Variants in ANKRD12 observed in about 807,000 individuals in gnomAD.
ANKRD12 encodes ankyrin repeat domain 12, also known as ankyrin repeat domain-containing protein 12.
A neutral mutation model predicts 183.4 loss-of-function variants in ANKRD12; 85 were observed. The ratio of observed to expected loss-of-function variants is 0.46; its 90% CI spans 0.39 to 0.56. The LOEUF is 0.56. Among genes scored for constraint, ANKRD12 ranks in the 20% least tolerant of loss-of-function variants. ANKRD12 has a pLI of 0.00. For missense variants in ANKRD12, 2,405 were observed against 2,357.1 expected, an observed-to-expected ratio of 1.02 and a Z score of -0.42; for synonymous variants, 914 against 800.2, an observed-to-expected ratio of 1.14 and a Z score of -2.40.
At chr18:9,158,707 A>G (rs187443772) in intron 1 of ANKRD12, among the ~76,000 whole-genome samples, 21 of 152,110 alleles carry the variant, frequency 1.4e-4, no homozygotes, top group Admixed American at 6.6e-5. Flanking sequence ...TCCTCTTTCC[A>G]TGCTGTATTC....
At chr18:9,278,817 A>G (rs928378944) in intron 11 of ANKRD12, among the ~76,000 whole-genome samples, 5 of 151,932 alleles carry the variant, frequency 3.3e-5, no homozygotes, top group Admixed American at 1.3e-4. Flanking sequence ...TGTGGGAGCT[A>G]CCTGCTGCCT....
chr18:9,142,062 A>C (rs899800335), intron 1 of ANKRD12, among the ~76,000 whole-genome samples: 1 of 152,154 alleles, frequency 6.6e-6, no homozygotes, highest in Admixed American at 6.5e-5. Context: ...TTACCTTGCT[A>C]TATAGTCTCT....
intron 8 of ANKRD12, among the ~76,000 whole-genome samples, chr18:9,246,125 C>T (rs1316749529): frequency 1.3e-5 from 2 of 152,062 alleles, no homozygotes; most frequent in East Asian, 3.8e-4. Context: ...TTTACTAATG[C>T]TTATTTTCAG....
intron 1 of ANKRD12, among the ~76,000 whole-genome samples, chr18:9,149,787 TA>T (rs2078617313): frequency 2.8e-5 from 4 of 144,364 alleles, no homozygotes; most frequent in Admixed American, 2.7e-4. Context: ...TTTATTTATT[TA>T]TTAAATTTTA....
chr18:9,173,382 T>TAA (rs2032935629), intron 1 of ANKRD12, among the ~76,000 whole-genome samples: 1 of 152,098 alleles, frequency 6.6e-6, no homozygotes, highest in Non-Finnish European at 1.5e-5. Context: ...TGCTGACCTT[T>TAA]AAATGGGGTT....
intron 6 of ANKRD12, among the ~76,000 whole-genome samples, chr18:9,213,836 C>G (rs1320517989): frequency 6.6e-6 from 1 of 151,732 alleles, no homozygotes; most frequent in African/African-American, 2.4e-5. Flanking sequence ...ATTGTATCAA[C>G]AGAATAAAGC....
intron 7 of ANKRD12, among the ~76,000 whole-genome samples, chr18:9,220,298 C>T (rs1205588636): frequency 2.6e-5 from 4 of 151,972 alleles, no homozygotes; most frequent in Admixed American, 1.3e-4. Context: ...GTTATGTCCT[C>T]GAAATACAGA....
intron 8 of ANKRD12, among the ~76,000 whole-genome samples, chr18:9,231,137 A>G (rs2037021810): frequency 6.6e-6 from 1 of 152,138 alleles, no homozygotes. Flanking sequence ...CTGTGATTTC[A>G]AGTTTTAAAA....
intron 8 of ANKRD12, 102 bp from the exon 9 acceptor site, chr18:9,254,109 T>G: frequency 8.1e-7 from 1 of 1,231,878 alleles, no homozygotes. Flanking sequence ...TTGTTTGAAA[T>G]ATGTATTGTA....
chr18:9,232,384 T>C (rs1385383709), intron 8 of ANKRD12, among the ~76,000 whole-genome samples: 1 of 152,212 alleles, frequency 6.6e-6, no homozygotes, highest in Non-Finnish European at 1.5e-5. Context: ...AGGATAATTT[T>C]GTTGGATGTA....
In ANKRD12 at chr18:9,281,327, G is replaced by GAA. The variant is rs1323191892; in HGVS notation, c.*204_*205dup. 1 of 442,974 alleles carries GAA rather than the reference G, an allele frequency of 2.3e-6. No homozygotes were observed. Among genetic ancestry groups the GAA allele is most frequent in the African/African-American group, 2.1e-5 (1 of 48,484 alleles). The allele number at this position is 442,974 out of a possible 1,614,324, so 27.4% of individuals were successfully genotyped here. A position where few individuals can be genotyped will look rare whatever the true frequency, so the allele number is the denominator to read the frequency against. On this transcript the variant is annotated 3_prime_UTR_variant, in exon 13 of 13. Coordinates refer to ENST00000262126, the MANE Select transcript of ANKRD12 (RefSeq NM_015208.5). The stretch of plus-strand genomic sequence containing the variant: ...TTAGATCCAAACACAGTTTCTAATA[G>GAA]AAAACTATTATTTATATTGGGAAAG...
chr18:9,232,549 A>G (rs962321012), intron 8 of ANKRD12, among the ~76,000 whole-genome samples: 2 of 151,932 alleles, frequency 1.3e-5, no homozygotes, highest in Non-Finnish European at 2.9e-5. Context: ...GTGTTTTAGA[A>G]TTTTCTCTCT....
At position 9,285,766 on chromosome 18, in the gene ANKRD12, T is replaced by G. The variant is rs1465144493; in HGVS notation, c.*4640T>G. On this transcript the variant is annotated 3_prime_UTR_variant, in exon 13 of 13. Transcript: ENST00000262126. ...CACCATACATTAGTTGTACCTAGCCTTGAACTTCATAGAAATAGAGTCATA... is the reference window on the plus strand; with the variant it reads ...CACCATACATTAGTTGTACCTAGCCGTGAACTTCATAGAAATAGAGTCATA... 2.0e-5 allele frequency: 3 copies of G among 152,210 alleles called. No individual in the cohort carries two copies. The highest frequency in any genetic ancestry group is 2.9e-5 in the Non-Finnish European group (2 of 68,036). The allele number at this position is 152,210 out of a possible 1,614,324, so 9.4% of individuals were successfully genotyped here.
At chr18:9,201,704 C>A (rs2035177554) in intron 3 of ANKRD12, among the ~76,000 whole-genome samples, 1 of 152,042 alleles carries the variant, frequency 6.6e-6, no homozygotes, top group South Asian at 2.1e-4. Context: ...ACCAGTAGTC[C>A]TTTGTCATTT....
intron 10 of ANKRD12, among the ~76,000 whole-genome samples, chr18:9,267,682 A>G (rs969036357): frequency 2.0e-4 from 30 of 152,216 alleles, no homozygotes; most frequent in African/African-American, 7.0e-4. Context: ...AAGATCTAAA[A>G]TTGACACCCT....
rs180836244 is a variant in ANKRD12, at chr18:9,272,022, C to T, written c.5764-3502C>T. On this transcript the variant is annotated intron_variant, in intron 10 of 12. Transcript: ENST00000262126. ...TGAACAAAGTTTACAGCCAGAATCC[C>T]TGCCCATTTCCTCAGAACTTCCCCA... is the stretch of plus-strand genomic sequence containing the variant. Among the ~76,000 whole-genome samples the T allele has an allele frequency of 5.0e-3, 763 of 152,272 alleles. 10 individuals are homozygous for T. Among genetic ancestry groups the T allele is most frequent in the African/African-American group, 0.017 (704 of 41,554 alleles).
intron 9 of ANKRD12, among the ~76,000 whole-genome samples, chr18:9,262,104 G>C (rs968128575): frequency 2.6e-5 from 4 of 152,172 alleles, no homozygotes; most frequent in African/African-American, 9.7e-5. Flanking sequence ...TTGAGTCTTT[G>C]TGGTGTTATT....
chr18:9,213,026 C>T (rs952239536), intron 6 of ANKRD12, among the ~76,000 whole-genome samples: 7 of 151,860 alleles, frequency 4.6e-5, no homozygotes, highest in Admixed American at 1.3e-4. Context: ...AGGTTGAATA[C>T]ACTCTCATTA....
rs760671933 is a variant in ANKRD12, at chr18:9,257,825, G to T, written c.4558G>T (p.Gly1520Cys). The T allele has an allele frequency of 5.6e-6, 9 of 1,613,482 alleles. No homozygotes were observed. In the East Asian group the frequency reaches 2.0e-4, roughly 36 times the overall value. ...SLSYVANQEPGILQQKNAVQI... is the reference protein window; with the variant it reads ...SLSYVANQEPCILQQKNAVQI... ...GTCATATGTTGCTAATCAAGAGCCA[G>T]GTATTTTACAACAAAAAAATGCAGT... Residue 1520 changes from glycine to cysteine, a missense_variant, in exon 9 of 13, where the codon GGT becomes TGT. Physicochemically the swap from Gly to Cys is radical, Grantham distance 159. Around this residue, in one of 7 missense-constraint regions of ANKRD12, gnomAD observed 1,983 missense variants for 1,725.9 expected, o/e 1.15. Coordinates refer to ENST00000262126, the MANE Select transcript of ANKRD12 (RefSeq NM_015208.5).
Sources: allele counts gnomAD v4.1 joint callset (sites outside exome capture counted in the v4.1 genomes callset), GRCh38; gene constraint gnomAD v4.1.1; regional missense constraint gnomAD v4.1.1; transcripts MANE v1.5; gene names NCBI Gene and HGNC (gene_info 2026-07-23, HGNC 2026-07-21).